Variants in CNTNAP2 observed in about 807,000 individuals in gnomAD.
The protein encoded by CNTNAP2 is contactin associated protein 2, also known as contactin-associated protein-like 2.
A neutral mutation model predicts 155.2 loss-of-function variants in CNTNAP2; 98 were observed. The ratio of observed to expected loss-of-function variants is 0.63; its 90% CI spans 0.54 to 0.75. The LOEUF is 0.75. Among genes scored for constraint, CNTNAP2 ranks in the 30% least tolerant of loss-of-function variants. The probability of loss-of-function intolerance (pLI) is 0.00; values close to 1 mark genes in which losing one functional copy is unlikely to be tolerated. For synonymous variants in CNTNAP2, 651 were observed against 631.2 expected, an observed-to-expected ratio of 1.03 and a Z score of -0.47; for missense variants, 1,727 against 1,688.1, an observed-to-expected ratio of 1.02 and a Z score of -0.40.
chr7:147,664,067 G>T (rs537234388), intron 13 of CNTNAP2, among the ~76,000 whole-genome samples: 42 of 152,164 alleles, frequency 2.8e-4, no homozygotes, highest in Non-Finnish European at 5.0e-4. Context: ...AATTTTTCAT[G>T]TCAACTAGTG....
intron 21 of CNTNAP2, among the ~76,000 whole-genome samples, chr7:148,335,065 G>A (rs992549962): frequency 6.6e-6 from 1 of 152,182 alleles, no homozygotes; most frequent in Non-Finnish European, 1.5e-5. Context: ...ATTGTGTCTG[G>A]AGGAAATAGA....
chr7:147,550,602 C>T (rs1341235758), intron 11 of CNTNAP2, among the ~76,000 whole-genome samples: 1 of 152,104 alleles, frequency 6.6e-6, no homozygotes, highest in Non-Finnish European at 1.5e-5. Flanking sequence ...AAGAAAGTCT[C>T]AAACTGAAGT....
At chr7:147,020,673 C>T (rs182205625) in intron 3 of CNTNAP2, among the ~76,000 whole-genome samples, 4 of 152,302 alleles carry the variant, frequency 2.6e-5, no homozygotes, top group East Asian at 1.9e-4. Flanking sequence ...CTCCTGACTC[C>T]TATAATGACC....
At chr7:148,366,364 A>T (rs1443643930) in intron 21 of CNTNAP2, among the ~76,000 whole-genome samples, 1 of 151,556 alleles carries the variant, frequency 6.6e-6, no homozygotes, top group Non-Finnish European at 1.5e-5. Context: ...AGCAATATTG[A>T]TTAAATTATG....
chr7:146,973,092 G>C (rs986167766), intron 3 of CNTNAP2, among the ~76,000 whole-genome samples: 1 of 152,110 alleles, frequency 6.6e-6, no homozygotes, highest in African/African-American at 2.4e-5. Context: ...GCAATGGCAC[G>C]ATCCCAGCTC....
chr7:146,553,795 A>C (rs2129143167), intron 1 of CNTNAP2, among the ~76,000 whole-genome samples: 1 of 152,242 alleles, frequency 6.6e-6, no homozygotes, highest in African/African-American at 2.4e-5. Flanking sequence ...AAATACATTC[A>C]TACGTAAGTG....
intron 13 of CNTNAP2, among the ~76,000 whole-genome samples, chr7:147,901,441 G>A (rs1490193880): frequency 1.3e-5 from 2 of 152,132 alleles, no homozygotes; most frequent in Non-Finnish European, 2.9e-5. Context: ...TTGGACAAAG[G>A]TATTTTGCAA....
At chr7:146,689,153 C>G (rs1800654946) in intron 1 of CNTNAP2, among the ~76,000 whole-genome samples, 1 of 152,026 alleles carries the variant, frequency 6.6e-6, no homozygotes, top group Non-Finnish European at 1.5e-5. Flanking sequence ...GACTTGCCCT[C>G]TGATGAGTAA....
chr7:147,619,703 C>T (rs1801356812), intron 12 of CNTNAP2, among the ~76,000 whole-genome samples: 1 of 152,184 alleles, frequency 6.6e-6, no homozygotes, highest in South Asian at 2.1e-4. Context: ...ACTCTGGTCC[C>T]TGATTGCTGG....
intron 15 of CNTNAP2, among the ~76,000 whole-genome samples, chr7:148,022,733 G>A (rs559285122): frequency 1.3e-5 from 2 of 151,866 alleles, no homozygotes; most frequent in South Asian, 2.1e-4. Flanking sequence ...TGGACTCTGC[G>A]AATGGATGTC....
chr7:147,925,261 A>G (rs1800371611), intron 14 of CNTNAP2, among the ~76,000 whole-genome samples: 1 of 150,176 alleles, frequency 6.7e-6, no homozygotes, highest in South Asian at 2.1e-4. Flanking sequence ...CCCTACACAT[A>G]TAATGCAGAC....
At chr7:148,279,356 C>A (rs761423994) in intron 21 of CNTNAP2, among the ~76,000 whole-genome samples, 1 of 152,288 alleles carries the variant, frequency 6.6e-6, no homozygotes, top group Non-Finnish European at 1.5e-5. Context: ...ACTAGGAACA[C>A]ACTGAAGTCA....
intron 1 of CNTNAP2, among the ~76,000 whole-genome samples, chr7:146,624,818 T>C (rs967235910): frequency 2.0e-5 from 3 of 151,980 alleles, no homozygotes; most frequent in Non-Finnish European, 4.4e-5. Flanking sequence ...GTAGAAAGAA[T>C]TGACATTTAG....
At chr7:147,869,832 C>T (rs1015263173) in intron 13 of CNTNAP2, among the ~76,000 whole-genome samples, 1 of 152,172 alleles carries the variant, frequency 6.6e-6, no homozygotes, top group Admixed American at 6.5e-5. Flanking sequence ...TATCAACTTA[C>T]AATTTAACCT....
intron 3 of CNTNAP2, among the ~76,000 whole-genome samples, chr7:146,846,412 A>C (rs1423728812): frequency 6.6e-6 from 1 of 152,158 alleles, no homozygotes; most frequent in Non-Finnish European, 1.5e-5. Context: ...TAGAAAAAAA[A>C]ACAATTTCCA....
chr7:147,076,930 T>C (rs537675278), intron 4 of CNTNAP2, among the ~76,000 whole-genome samples: 1 of 152,296 alleles, frequency 6.6e-6, no homozygotes, highest in South Asian at 2.1e-4. Context: ...TTGCTACAAA[T>C]GTATAGCAAT....
At position 146,372,270 on chromosome 7, in the gene CNTNAP2, G is replaced by A. The variant is rs528035862; in HGVS notation, c.97+255297G>A. ...TATGCAGTTATGCTAAAGAAGTTTC[G>A]CGAATTCCTAATTTCTTTTCAGCCA... On this transcript the variant is annotated intron_variant, in intron 1 of 23. Coordinates refer to ENST00000361727, the MANE Select transcript of CNTNAP2 (RefSeq NM_014141.6). 4.6e-5 allele frequency among the ~76,000 whole-genome samples: 7 copies of A among 152,198 alleles called. No homozygotes were observed. In the East Asian group the frequency reaches 5.8e-4, roughly 13 times the overall value.
chr7:148,307,104 G>T (rs937829390), intron 21 of CNTNAP2, among the ~76,000 whole-genome samples: 1 of 152,116 alleles, frequency 6.6e-6, no homozygotes, highest in Non-Finnish European at 1.5e-5. Flanking sequence ...GAAGGAAGAG[G>T]ACTGCGAGGT....
At chr7:146,332,796 G>A (rs1393966869) in intron 1 of CNTNAP2, among the ~76,000 whole-genome samples, 2 of 151,902 alleles carry the variant, frequency 1.3e-5, no homozygotes, top group Non-Finnish European at 2.9e-5. Context: ...CTAGATTCTT[G>A]TCTGATTTTT....
Sources: gnomAD v4.1 joint callset for allele counts (sites outside exome capture counted in the v4.1 genomes callset) on GRCh38, gnomAD v4.1.1 for gene constraint, MANE v1.5 for transcripts, NCBI Gene and HGNC (gene_info 2026-07-23, HGNC 2026-07-21) for gene names.